MAP3K4: variants seen among roughly 807,000 people sequenced by gnomAD.
MAP3K4 encodes the protein MAP three kinase 1.
MAP3K4 carries 67 observed loss-of-function variants against 185.6 expected under a neutral mutation model. The ratio of observed to expected loss-of-function variants is 0.36; its 90% CI spans 0.30 to 0.44. The LOEUF is 0.44. MAP3K4 is among the 20% of genes least tolerant of loss of function. The pLI is 1.00. For missense variants in MAP3K4, 1,551 were observed against 1,995.1 expected (o/e 0.78, Z 4.24); for synonymous variants, 702 against 710.4 (o/e 0.99, Z 0.19).
At position 161,049,746 on chromosome 6, in the gene MAP3K4, A is replaced by G. The variant is rs1783916775; in HGVS notation, c.1474A>G (p.Lys492Glu). ...CATCCAGTCGCGGGACTGCATATCC[A>G]AGAAGCTTGAGAGGCTCGAATCTGA... The part of the protein sequence containing the change: ...FDIQSRDCIS[K>E]KLERLESEDD... Residue 492 changes from lysine to glutamate, a missense_variant, in exon 3 of 27, where the codon AAG becomes GAG. Physicochemically the swap from Lys to Glu is moderately conservative, Grantham distance 56 (BLOSUM62 1). Around this residue, in one of 16 missense-constraint regions of MAP3K4, gnomAD observed 126 missense variants for 112.8 expected, o/e 1.12. Coordinates refer to ENST00000392142, the MANE Select transcript of MAP3K4 (RefSeq NM_005922.4). This position sits in a 1 kb window ranked among gnomAD's most constrained non-coding sequence, Gnocchi z 8.4. The G allele has an allele frequency of 1.2e-6, 2 of 1,614,180 alleles. No individual in the cohort carries two copies. Among genetic ancestry groups the G allele is most frequent in the Middle Eastern group, 1.6e-4 (1 of 6,062 alleles).
At position 161,097,199 on chromosome 6, in the gene MAP3K4, T is replaced by C; in HGVS notation, c.3524+23T>C. On this transcript the variant is annotated intron_variant, in intron 16 of 26. Coordinates refer to ENST00000392142, the MANE Select transcript of MAP3K4 (RefSeq NM_005922.4). The surrounding 1 kb of genome is among the most constrained non-coding windows in gnomAD (Gnocchi z 4.9). ...CAGGTATTTGGTGCTTATCTAGTCATTTGCTTTACAGAGTGCCCTCCGATA... is the reference window on the plus strand; with the variant it reads ...CAGGTATTTGGTGCTTATCTAGTCACTTGCTTTACAGAGTGCCCTCCGATA... 6.2e-7 allele frequency: 1 copy of C among 1,605,284 alleles called. No individual in the cohort carries two copies. The highest frequency in any genetic ancestry group is 8.5e-7 in the Non-Finnish European group (1 of 1,172,152).
At position 161,093,330 on chromosome 6, in the gene MAP3K4, A is replaced by G. The variant is rs572127633; in HGVS notation, c.3348+274A>G. On this transcript the variant is annotated intron_variant, in intron 14 of 26. Transcript: ENST00000392142. The surrounding 1 kb of genome is among the most constrained non-coding windows in gnomAD (Gnocchi z 5.2). Reference sequence around the variant, plus strand: ...TGAGATTTATATTTTTACTGCCATCATAGCTGCTGCTTTGGGGCAGAACAA... The same window carrying G: ...TGAGATTTATATTTTTACTGCCATCGTAGCTGCTGCTTTGGGGCAGAACAA... 5.3e-5 allele frequency among the ~76,000 whole-genome samples: 8 copies of G among 152,308 alleles called. No homozygotes were observed. Among genetic ancestry groups the G allele is most frequent in the South Asian group, 2.1e-4 (1 of 4,828 alleles).
chr6:161,089,414 G>A lies in MAP3K4; in HGVS notation c.2916G>A (p.Leu972=). The part of the protein sequence containing the change: ...FQQSIEGLMT[L]CQEQTSSQPV... ...AGTCCATTGAGGGACTTATGACTCT[G>A]TGCCAGGAGCAGACATCCAGTCAGC... is the stretch of plus-strand genomic sequence containing the variant. Residue 972 remains leucine (L), a synonymous_variant, in exon 11 of 27, where the codon CTG becomes CTA. Transcript: ENST00000392142. The A allele has an allele frequency of 6.2e-7, 1 of 1,614,198 alleles. No homozygotes were observed. The highest frequency in any genetic ancestry group is 8.5e-7 in the Non-Finnish European group (1 of 1,180,032).
Position 161,086,390 on chromosome 6 carries a change from T to TAC in MAP3K4, c.2385_2386insCA (p.Glu796GlnfsTer7). The TAC allele has an allele frequency of 6.2e-7, 1 of 1,612,432 alleles. No individual in the cohort carries two copies. The highest frequency in any genetic ancestry group is 8.5e-7 in the Non-Finnish European group (1 of 1,178,822). On this transcript the variant is annotated frameshift_variant, in exon 8 of 27. Coordinates refer to ENST00000392142, the MANE Select transcript of MAP3K4 (RefSeq NM_005922.4). LOFTEE classifies it high-confidence loss of function. The surrounding 1 kb of genome is among the most constrained non-coding windows in gnomAD (Gnocchi z 4.8). ...AATCCACTTGGCAGGAGGTCTGTTATAGAGATCAGTCGAGCCCTGAAGGAG... is the reference window on the plus strand; with the variant it reads ...AATCCACTTGGCAGGAGGTCTGTTATACAGAGATCAGTCGAGCCCTGAAGGAG...
rs1484311895 is a variant in MAP3K4, at chr6:161,051,972, T to C, written c.1707+1993T>C. Among the ~76,000 whole-genome samples, 1 of 152,184 alleles carries C rather than the reference T, an allele frequency of 6.6e-6. No individual in the cohort carries two copies. The highest frequency in any genetic ancestry group is 1.5e-5 in the Non-Finnish European group (1 of 68,034). Reference sequence around the variant, plus strand: ...GAGTAGCTTGTATTACTTTTTATTGTTGTATTCTTATTTTTAATGTTTTTT... The same window carrying C: ...GAGTAGCTTGTATTACTTTTTATTGCTGTATTCTTATTTTTAATGTTTTTT... On this transcript the variant is annotated intron_variant, in intron 3 of 26. Coordinates refer to ENST00000392142, the MANE Select transcript of MAP3K4 (RefSeq NM_005922.4). This position sits in a 1 kb window ranked among gnomAD's most constrained non-coding sequence, Gnocchi z 4.2.
At chr6:161,072,924 A>G (rs1785015516) in intron 4 of MAP3K4, among the ~76,000 whole-genome samples, 1 of 152,030 alleles carries the variant, frequency 6.6e-6, no homozygotes, top group Non-Finnish European at 1.5e-5. Context: ...ATTTTTATCT[A>G]ATTCCATCAC....
In MAP3K4 at chr6:161,048,030, A is replaced by G. The variant is rs1476606053; in HGVS notation, c.344-586A>G. On this transcript the variant is annotated intron_variant, in intron 2 of 26. Transcript: ENST00000392142. This position sits in a 1 kb window ranked among gnomAD's most constrained non-coding sequence, Gnocchi z 4.7. ...CCCACTTGTTTGTGGCAAAGGAGAA[A>G]TAAAGGAATAGAATAAACTAACGTC... Among the ~76,000 whole-genome samples, 1 of 152,222 alleles carries G rather than the reference A, an allele frequency of 6.6e-6. No homozygotes were observed. The highest frequency in any genetic ancestry group is 1.5e-5 in the Non-Finnish European group (1 of 68,026).
Position 161,084,367 on chromosome 6 carries a change from GAA to G in MAP3K4, c.2256-133_2256-132del, listed in dbSNP as rs1360098591. 40 of 586,246 alleles carry G rather than the reference GAA, an allele frequency of 6.8e-5. No individual in the cohort carries two copies. Among genetic ancestry groups the G allele is most frequent in the African/African-American group, 5.0e-4 (27 of 54,264 alleles). The allele number at this position is 586,246 out of a possible 1,614,324, so 36.3% of individuals were successfully genotyped here. On this transcript the variant is annotated intron_variant, in intron 6 of 26. Transcript: ENST00000392142. The surrounding 1 kb of genome is among the most constrained non-coding windows in gnomAD (Gnocchi z 4.6). ...CCACGTCCAGGGTTTTATATTAAAA[GAA>G]GAGAAATTTTTCATTTTTGATTTTT... is the stretch of plus-strand genomic sequence containing the variant.
rs528369340 is a variant in MAP3K4, at chr6:161,101,859, T to G, written c.3675-33T>G. The G allele has an allele frequency of 6.5e-7, 1 of 1,547,038 alleles. No homozygotes were observed. Among genetic ancestry groups the G allele is most frequent in the East Asian group, 2.2e-5 (1 of 44,556 alleles). On this transcript the variant is annotated intron_variant, in intron 17 of 26. Coordinates refer to ENST00000392142, the MANE Select transcript of MAP3K4 (RefSeq NM_005922.4). This position sits in a 1 kb window ranked among gnomAD's most constrained non-coding sequence, Gnocchi z 5.1. Reference sequence around the variant, plus strand: ...ATCTTTCATTTTAAGTTCTATTGAATTGATAGCTCAATTATTAAAAATATT... The same window carrying G: ...ATCTTTCATTTTAAGTTCTATTGAAGTGATAGCTCAATTATTAAAAATATT...
rs905078698 is a variant in MAP3K4 at position 161,034,937 on chromosome 6, T to G, written c.343+488T>G. Reference sequence around the variant, plus strand: ...GCTCTCTTTTTCATACTAAGCACAGTGACCCCACACCTAACAACCATGACA... The same window carrying G: ...GCTCTCTTTTTCATACTAAGCACAGGGACCCCACACCTAACAACCATGACA... On this transcript the variant is annotated intron_variant, in intron 2 of 26. Transcript: ENST00000392142. This position sits in a 1 kb window ranked among gnomAD's most constrained non-coding sequence, Gnocchi z 4.4. Among the ~76,000 whole-genome samples, 1 of 152,112 alleles carries G rather than the reference T, an allele frequency of 6.6e-6. No homozygotes were observed. Among genetic ancestry groups the G allele is most frequent in the African/African-American group, 2.4e-5 (1 of 41,404 alleles).
chr6:160,996,798 C>T lies in MAP3K4; in HGVS notation c.152+4715C>T, dbSNP rs1039489503. ...TGTACACCTGGTTAGTCAGTGTATT[C>T]TCTTGCTTGTAGAAAGCCAAAGTAT... On this transcript the variant is annotated intron_variant, in intron 1 of 26. Transcript: ENST00000392142. The surrounding 1 kb of genome is among the most constrained non-coding windows in gnomAD (Gnocchi z 4.5). Among the ~76,000 whole-genome samples the T allele has an allele frequency of 6.6e-6, 1 of 152,188 alleles. No individual in the cohort carries two copies. Among genetic ancestry groups the T allele is most frequent in the Non-Finnish European group, 1.5e-5 (1 of 68,040 alleles).
At position 160,996,528 on chromosome 6, in the gene MAP3K4, A is replaced by G. The variant is rs187035921; in HGVS notation, c.152+4445A>G. On this transcript the variant is annotated intron_variant, in intron 1 of 26. Coordinates refer to ENST00000392142, the MANE Select transcript of MAP3K4 (RefSeq NM_005922.4). This position sits in a 1 kb window ranked among gnomAD's most constrained non-coding sequence, Gnocchi z 4.5. ...TCCTCATGACTATGATTTTACTCAT[A>G]GCATTCTATTGTCTCAGCCTTGTCA... is the stretch of plus-strand genomic sequence containing the variant. Among the ~76,000 whole-genome samples, 1 of 152,346 alleles carries G rather than the reference A, an allele frequency of 6.6e-6. No individual in the cohort carries two copies. The highest frequency in any genetic ancestry group is 2.4e-5 in the African/African-American group (1 of 41,580).
Position 161,048,867 on chromosome 6 carries a change from C to G in MAP3K4, c.595C>G (p.Pro199Ala). ...LSLGCSNAKL[P>A]VSVPMPIARP... ...CCTTGGCTGTAGCAATGCTAAGCTT[C>G]CAGTATCTGTGCCCATGCCTATAGC... The change falls in exon 3 of 27, where the codon CCA becomes GCA. Residue 199 changes from proline (P) to alanine (A), a missense_variant. Around this residue, in one of 16 missense-constraint regions of MAP3K4, gnomAD observed 287 missense variants for 268.8 expected, o/e 1.07. Coordinates refer to ENST00000392142, the MANE Select transcript of MAP3K4 (RefSeq NM_005922.4). This position sits in a 1 kb window ranked among gnomAD's most constrained non-coding sequence, Gnocchi z 4.7. 1.2e-6 allele frequency: 2 copies of G among 1,614,190 alleles called. No homozygotes were observed. Among genetic ancestry groups the G allele is most frequent in the Non-Finnish European group, 1.7e-6 (2 of 1,180,038 alleles).
rs1777426789 is a variant in MAP3K4, at chr6:161,093,597, GTAT to G, written c.3349-171_3349-169del. Among the ~76,000 whole-genome samples, 1 of 152,124 alleles carries G rather than the reference GTAT, an allele frequency of 6.6e-6. No homozygotes were observed. Among genetic ancestry groups the G allele is most frequent in the African/African-American group, 2.4e-5 (1 of 41,424 alleles). ...TTTACTTATAAAAATGAAATACACT[GTAT>G]TATTTTAAATTACATACAATTTGTG... On this transcript the variant is annotated intron_variant, in intron 14 of 26. Transcript: ENST00000392142. This position sits in a 1 kb window ranked among gnomAD's most constrained non-coding sequence, Gnocchi z 5.2.
At chr6:161,045,141 G>A (rs552902095) in intron 2 of MAP3K4, among the ~76,000 whole-genome samples, 3 of 152,046 alleles carry the variant, frequency 2.0e-5, no homozygotes, top group East Asian at 1.9e-4. Flanking sequence ...TTTTAAGTTC[G>A]AATTGCGTCA....
In MAP3K4 at chr6:161,018,620, G is replaced by A. The variant is rs1782224459; in HGVS notation, c.153-15639G>A. 3.3e-5 allele frequency among the ~76,000 whole-genome samples: 5 copies of A among 152,276 alleles called. No homozygotes were observed. The South Asian group carries it at 1.0e-3, about 32-fold the overall frequency. Reference sequence around the variant, plus strand: ...CCCTCAAAGTTTAATCCTCTTTAAAGGAAGACAGTAAAATCCAGGTAACAA... The same window carrying A: ...CCCTCAAAGTTTAATCCTCTTTAAAAGAAGACAGTAAAATCCAGGTAACAA... On this transcript the variant is annotated intron_variant, in intron 1 of 26. Coordinates refer to ENST00000392142, the MANE Select transcript of MAP3K4 (RefSeq NM_005922.4).
intron 3 of MAP3K4, among the ~76,000 whole-genome samples, chr6:161,068,126 C>A (rs1367996763): frequency 6.6e-6 from 1 of 152,050 alleles, no homozygotes; most frequent in Non-Finnish European, 1.5e-5. Flanking sequence ...TTTTAGAGAC[C>A]CATAGTTAAC....
Position 161,034,164 on chromosome 6 carries a change from A to G in MAP3K4, c.153-95A>G, listed in dbSNP as rs1189370302. On this transcript the variant is annotated intron_variant, in intron 1 of 26. Transcript: ENST00000392142. This position sits in a 1 kb window ranked among gnomAD's most constrained non-coding sequence, Gnocchi z 4.4. Reference sequence around the variant, plus strand: ...AGTGCTGAAGAGATTTTTCTGTACAAAAGTTTTACAAAGAATTATTTAAAA... The same window carrying G: ...AGTGCTGAAGAGATTTTTCTGTACAGAAGTTTTACAAAGAATTATTTAAAA... The G allele has an allele frequency of 2.0e-6, 2 of 1,015,758 alleles. No homozygotes were observed. The highest frequency in any genetic ancestry group is 1.4e-6 in the Non-Finnish European group (1 of 709,342). 62.9% of individuals were successfully genotyped at this position (1,015,758 alleles called of 1,614,324 possible). A position where few individuals can be genotyped will look rare whatever the true frequency, so the allele number is the denominator to read the frequency against.
At chr6:161,094,144 T>C (rs1777466404) in intron 15 of MAP3K4, among the ~76,000 whole-genome samples, 1 of 152,200 alleles carries the variant, frequency 6.6e-6, no homozygotes, top group Non-Finnish European at 1.5e-5. Flanking sequence ...CCTTACCATC[T>C]TTTCTGATGG....
Sources: allele counts gnomAD v4.1 joint callset (sites outside exome capture counted in the v4.1 genomes callset), GRCh38; gene constraint gnomAD v4.1.1; regional missense constraint gnomAD v4.1.1; non-coding constraint Gnocchi (gnomAD v3.1); transcripts MANE v1.5; gene names NCBI Gene and HGNC (gene_info 2026-07-23, HGNC 2026-07-21).